PDC: variants seen among roughly 807,000 people sequenced by gnomAD.
The protein encoded by PDC is phosducin, also known as 33 kDa phototransducing protein.
Under a neutral mutation model 22.2 loss-of-function variants are expected in PDC, and 19 were observed. The ratio of observed to expected loss-of-function variants is 0.86; its 90% CI spans 0.60 to 1.26. The LOEUF (loss-of-function observed/expected upper bound fraction) is 1.26, where lower values mean the gene tolerates loss of function less well. PDC is among the 50% of genes most tolerant of loss of function. The pLI, the probability that PDC is intolerant of heterozygous loss-of-function variation, is 0.00. For missense variants in PDC, 274 were observed against 286.8 expected (o/e 0.96, Z 0.32); for synonymous variants, 97 against 96.2 (o/e 1.01, Z -0.05).
intron 1 of PDC, among the ~76,000 whole-genome samples, chr1:186,460,566 C>A (rs1662562037): frequency 6.6e-6 from 1 of 152,092 alleles, no homozygotes; most frequent in African/African-American, 2.4e-5. Flanking sequence ...TATGTATGTT[C>A]AGGAAAACAA....
chr1:186,455,884 A>G lies in PDC; in HGVS notation c.-25+5175T>C, dbSNP rs567523305. Among the ~76,000 whole-genome samples, 889 of 139,524 alleles carry G rather than the reference A, an allele frequency of 6.4e-3. 14 individuals are homozygous for G. Among genetic ancestry groups the G allele is most frequent in the African/African-American group, 0.021 (796 of 37,310 alleles). 91.5% of individuals were successfully genotyped at this position (139,524 alleles called of 152,430 possible). ...CTACTCGGGAGGCTGAGGCAGGAGA[A>G]TGGCGTAGACCTGGGAGGCGGAGTT... is the stretch of plus-strand genomic sequence containing the variant. On this transcript the variant is annotated intron_variant, in intron 1 of 3. Coordinates refer to ENST00000391997, the MANE Select transcript of PDC (RefSeq NM_002597.5).
intron 1 of PDC, among the ~76,000 whole-genome samples, chr1:186,450,357 G>T (rs1360602117): frequency 2.6e-5 from 4 of 151,864 alleles, no homozygotes; most frequent in Non-Finnish European, 5.9e-5. Flanking sequence ...TTGAGAGAGG[G>T]TCTAACTCTG....
intron 2 of PDC, among the ~76,000 whole-genome samples, chr1:186,446,911 G>A (rs975989144): frequency 2.0e-5 from 3 of 152,002 alleles, no homozygotes; most frequent in Admixed American, 6.6e-5. Flanking sequence ...GGAAAAAATA[G>A]CACTTTTATT....
At chr1:186,452,164 A>T (rs185861690) in intron 1 of PDC, among the ~76,000 whole-genome samples, 1 of 152,084 alleles carries the variant, frequency 6.6e-6, no homozygotes, top group African/African-American at 2.4e-5. Flanking sequence ...CCTGTCACCA[A>T]CTCACTCTGG....
Position 186,444,465 on chromosome 1 carries a change from C to A in PDC, c.255G>T (p.Glu85Asp). 1.2e-6 allele frequency: 2 copies of A among 1,607,610 alleles called. No individual in the cohort carries two copies. The highest frequency in any genetic ancestry group is 1.7e-6 in the Non-Finnish European group (2 of 1,174,440). Residue 85 changes from glutamate to aspartate, a missense_variant, in exon 4 of 4, where the codon GAG (glutamate) becomes GAT (aspartate). Glu to Asp is a conservative substitution (Grantham distance 45). Transcript: ENST00000391997. ...QEYELIHKEK[E>D]DENCLRKYRR... is the part of the protein sequence containing the mutation. The stretch of plus-strand genomic sequence containing the variant: ...GGTATTTACGAAGGCAGTTTTCATC[C>A]TCTTTCTCTTTATGGATTAGTTCAT...
chr1:186,455,687 C>T (rs553358203), intron 1 of PDC, among the ~76,000 whole-genome samples: 216 of 150,846 alleles, frequency 1.4e-3, no homozygotes, highest in Non-Finnish European at 2.2e-3. Flanking sequence ...AGTGGCCGGG[C>T]GCAGTGGCTC....
intron 3 of PDC, among the ~76,000 whole-genome samples, chr1:186,445,135 T>G (rs566936749): frequency 2.0e-5 from 3 of 152,212 alleles, no homozygotes; most frequent in African/African-American, 7.2e-5. Context: ...TACTCCATTA[T>G]TAATGTATTT....
intron 3 of PDC, among the ~76,000 whole-genome samples, chr1:186,445,517 G>A (rs1221827141): frequency 6.6e-6 from 1 of 151,614 alleles, no homozygotes; most frequent in Non-Finnish European, 1.5e-5. Flanking sequence ...ATTTTTTTCT[G>A]TTTTAAGATT....
At chr1:186,451,718 C>T (rs1356168534) in intron 1 of PDC, 1 of 152,120 alleles carries the variant, frequency 6.6e-6, no homozygotes, top group East Asian at 1.9e-4. Flanking sequence ...ATTCCTTTTC[C>T]AGAAAAGGTT....
intron 1 of PDC, among the ~76,000 whole-genome samples, chr1:186,457,189 C>A (rs1323072039): frequency 6.6e-6 from 1 of 152,208 alleles, no homozygotes; most frequent in Non-Finnish European, 1.5e-5. Flanking sequence ...AGTGTTTTAA[C>A]CCCTTCCAAG....
intron 1 of PDC, among the ~76,000 whole-genome samples, chr1:186,457,656 G>A (rs1025396084): frequency 6.6e-6 from 1 of 152,082 alleles, no homozygotes; most frequent in African/African-American, 2.4e-5. Context: ...TTAATTTTGG[G>A]ATAGGTCAAT....
At chr1:186,449,300 ATTAC>A (rs1449528555) in intron 2 of PDC, 95 bp downstream of exon 2, 4 of 539,260 alleles carry the variant, frequency 7.4e-6, no homozygotes, top group East Asian at 6.3e-5. Flanking sequence ...ATATAAAGAT[ATTAC>A]TTAAAGTACA....
At chr1:186,453,051 G>A (rs548714972) in intron 1 of PDC, among the ~76,000 whole-genome samples, 1 of 152,256 alleles carries the variant, frequency 6.6e-6, no homozygotes, top group South Asian at 2.1e-4. Flanking sequence ...GAAAGTAATA[G>A]TAAAAGCTAA....
intron 1 of PDC, among the ~76,000 whole-genome samples, chr1:186,457,796 T>C (rs1440165780): frequency 6.6e-6 from 1 of 152,156 alleles, no homozygotes; most frequent in Non-Finnish European, 1.5e-5. Flanking sequence ...AGTCAGCAAA[T>C]GTTTGTTTTC....
intron 3 of PDC, among the ~76,000 whole-genome samples, chr1:186,445,750 C>T (rs1213092493): frequency 2.0e-5 from 3 of 152,040 alleles, no homozygotes; most frequent in South Asian, 2.1e-4. Flanking sequence ...GCCAAGATTG[C>T]GCCACTGCAC....
At chr1:186,459,752 G>GTATATATATATATATATGTATA (rs1662542128) in intron 1 of PDC, among the ~76,000 whole-genome samples, 1 of 112,084 alleles carries the variant, frequency 8.9e-6, no homozygotes, top group South Asian at 3.0e-4. Context: ...GTGTGTGTGT[G>GTATATATATATATATATGTATA]TATATATATA....
At chr1:186,446,004 C>T (rs1391256664) in intron 3 of PDC, among the ~76,000 whole-genome samples, 1 of 152,170 alleles carries the variant, frequency 6.6e-6, no homozygotes, top group African/African-American at 2.4e-5. Flanking sequence ...TGTAGGCATT[C>T]AGATACATTT....
chr1:186,445,535 CG>C (rs1662207910), intron 3 of PDC, among the ~76,000 whole-genome samples: 1 of 151,954 alleles, frequency 6.6e-6, no homozygotes, highest in Non-Finnish European at 1.5e-5. Context: ...ATTACTGTCC[CG>C]GGATGGGTAT....
At chr1:186,449,593 G>T in intron 1 of PDC, 110 bp from the exon 2 acceptor site, 1 of 503,532 alleles carries the variant, frequency 2.0e-6, no homozygotes, top group Non-Finnish European at 3.5e-6. Context: ...CCTGCTGCCA[G>T]ATTCCATAAG....
Sources: gnomAD v4.1 joint callset for allele counts (sites outside exome capture counted in the v4.1 genomes callset) on GRCh38, gnomAD v4.1.1 for gene constraint, MANE v1.5 for transcripts, NCBI Gene and HGNC (gene_info 2026-07-23, HGNC 2026-07-21) for gene names.